The following TAF5 variants were observed in gnomAD, a reference collection of about 807,000 sequenced individuals.
TAF5 encodes the protein transcription initiation factor TFIID subunit 5.
A neutral mutation model predicts 80.9 loss-of-function variants in TAF5; 20 were observed. The ratio of observed to expected loss-of-function variants is 0.25; its 90% CI spans 0.17 to 0.36. The LOEUF is 0.36. Ranked by LOEUF, TAF5 falls within the 10% of genes least tolerant of loss-of-function variation. TAF5 has a pLI of 1.00. For synonymous variants in TAF5, 388 were observed against 406.4 expected (o/e 0.95, Z 0.55); for missense variants, 863 against 1,029.4 (o/e 0.84, Z 2.21).
chr10:103,371,741 T>C (rs949261725), intron 1 of TAF5, among the ~76,000 whole-genome samples: 1 of 152,186 alleles, frequency 6.6e-6, no homozygotes, highest in Non-Finnish European at 1.5e-5. Flanking sequence ...GGATAGGATA[T>C]GTTACAAGAA....
chr10:103,383,032 A>AC (rs1184381772), intron 6 of TAF5, among the ~76,000 whole-genome samples: 1 of 152,094 alleles, frequency 6.6e-6, no homozygotes, highest in Non-Finnish European at 1.5e-5. Context: ...AGCTGTGTGC[A>AC]CTCTAGCAAA....
chr10:103,369,960 G>A (rs905848605), intron 1 of TAF5, among the ~76,000 whole-genome samples: 5 of 151,972 alleles, frequency 3.3e-5, no homozygotes, highest in African/African-American at 1.2e-4. Flanking sequence ...GCCGGGCGTC[G>A]TGGCTCATGC....
At chr10:103,376,052 A>G (rs1374180395) in intron 2 of TAF5, among the ~76,000 whole-genome samples, 1 of 137,210 alleles carries the variant, frequency 7.3e-6, no homozygotes, top group African/African-American at 2.5e-5. Flanking sequence ...GTGAAAGTCT[A>G]TCTCAAAAAA....
At chr10:103,376,083 A>T (rs1305341709) in intron 2 of TAF5, among the ~76,000 whole-genome samples, 5 of 149,152 alleles carry the variant, frequency 3.4e-5, no homozygotes, top group African/African-American at 1.2e-4. Flanking sequence ...GGCCGTGCTT[A>T]GCAGTGTGAA....
In TAF5 at chr10:103,379,917, G is replaced by A. The variant is rs145946984; in HGVS notation, c.1311G>A (p.Lys437=). 11 of 1,613,570 alleles carry A rather than the reference G, an allele frequency of 6.8e-6. No individual in the cohort carries two copies. Among genetic ancestry groups the A allele is most frequent in the Non-Finnish European group, 9.3e-6 (11 of 1,179,932 alleles). The change falls in exon 5 of 11, where the codon AAG becomes AAA. Residue 437 remains lysine (K), a synonymous_variant. Coordinates refer to ENST00000369839, the MANE Select transcript of TAF5 (RefSeq NM_006951.5). ...TTCCTGAGTTGAAAGATTCAGATAA[G>A]TTGGATAAGATAATGAATATGAAAG... ...IPLPELKDSD[K]LDKIMNMKET...
chr10:103,368,439 G>A lies in TAF5; in HGVS notation c.450G>A (p.Arg150=), dbSNP rs757251897. The A allele has an allele frequency of 1.3e-5, 20 of 1,580,726 alleles. No homozygotes were observed. Among genetic ancestry groups the A allele is most frequent in the Non-Finnish European group, 1.7e-5 (20 of 1,173,000 alleles). The part of the protein sequence containing the change: ...GAEVTSALLS[R]VTASAPGPAA... ...AGGTGACCAGCGCGCTTCTCAGCCGGGTGACCGCCTCGGCCCCTGGCCCTG... is the reference window on the plus strand; with the variant it reads ...AGGTGACCAGCGCGCTTCTCAGCCGAGTGACCGCCTCGGCCCCTGGCCCTG... The change falls in exon 1 of 11, where the codon CGG becomes CGA. Residue 150 remains arginine, a synonymous_variant. Coordinates refer to ENST00000369839, the MANE Select transcript of TAF5 (RefSeq NM_006951.5).
intron 5 of TAF5, among the ~76,000 whole-genome samples, chr10:103,381,106 G>A (rs1191591039): frequency 1.3e-5 from 2 of 150,750 alleles, no homozygotes; most frequent in African/African-American, 2.4e-5. Flanking sequence ...GAGCCACCAC[G>A]CCCAGCTAAT....
chr10:103,380,168 C>T (rs1377856665), intron 5 of TAF5, 149 bp downstream of exon 5: 14 of 980,682 alleles, frequency 1.4e-5, no homozygotes, highest in Middle Eastern at 2.7e-4. Flanking sequence ...CTCGCTCTGT[C>T]GCCCAGCTGG....
chr10:103,371,355 GAAACTTGACCTAATTATAGATCAT>G (rs551059667), intron 1 of TAF5, among the ~76,000 whole-genome samples: 198 of 152,174 alleles, frequency 1.3e-3, no homozygotes, highest in African/African-American at 4.5e-3. Flanking sequence ...GATCTCTTCA[GAAACTTGACCTAATTATAGATCAT>G]AACTGAGAAA....
At position 103,385,324 on chromosome 10, in the gene TAF5, A is replaced by G; in HGVS notation, c.1665-2A>G. On this transcript the variant is annotated splice_acceptor_variant, in intron 7 of 10. Transcript: ENST00000369839. LOFTEE classifies it high-confidence loss of function. ...CAAATATATCACCTTCTCTTCTCTCAGGAACTATCTGCTTTCCTCTTCAGA... is the reference window on the plus strand; with the variant it reads ...CAAATATATCACCTTCTCTTCTCTCGGGAACTATCTGCTTTCCTCTTCAGA... 1 of 1,604,044 alleles carries G rather than the reference A, an allele frequency of 6.2e-7. No individual in the cohort carries two copies. The highest frequency in any genetic ancestry group is 8.5e-7 in the Non-Finnish European group (1 of 1,171,952).
In TAF5 at chr10:103,378,214, T is replaced by A; in HGVS notation, c.798-21T>A. The A allele has an allele frequency of 6.3e-7, 1 of 1,598,686 alleles. No homozygotes were observed. Among genetic ancestry groups the A allele is most frequent in the East Asian group, 2.2e-5 (1 of 44,736 alleles). On this transcript the variant is annotated intron_variant, in intron 2 of 10. Transcript: ENST00000369839. This position sits in a 1 kb window ranked among gnomAD's most constrained non-coding sequence, Gnocchi z 4.1. ...CTTAATGATTACATTGAAAAATGAC[T>A]TTTTAAAATCACTGAAACAGGTTCC...
Position 103,387,703 on chromosome 10 carries a change from A to G in TAF5, c.2185+5A>G, listed in dbSNP as rs868149506. 1 of 1,608,826 alleles carries G rather than the reference A, an allele frequency of 6.2e-7. No individual in the cohort carries two copies. The highest frequency in any genetic ancestry group is 1.3e-5 in the African/African-American group (1 of 74,872). ...ATGGTGAAATTTTGGCATCAGGTAA[A>G]TGACTATTAATGGCTTTACGATAAA... On this transcript the variant is annotated splice_donor_5th_base_variant and intron_variant, in intron 10 of 10. Transcript: ENST00000369839.
At chr10:103,376,395 T>C (rs2093370099) in intron 2 of TAF5, among the ~76,000 whole-genome samples, 1 of 152,040 alleles carries the variant, frequency 6.6e-6, no homozygotes, top group African/African-American at 2.4e-5. Flanking sequence ...CTGGCCTGAA[T>C]GAGAAATGTT....
At position 103,385,346 on chromosome 10, in the gene TAF5, C is replaced by T. The variant is rs2093393405; in HGVS notation, c.1685C>T (p.Ser562Leu). 1 of 1,611,242 alleles carries T rather than the reference C, an allele frequency of 6.2e-7. No individual in the cohort carries two copies. Residue 562 changes from serine to leucine, a missense_variant, in exon 8 of 11, where the codon TCA (serine) becomes TTA (leucine). Coordinates refer to ENST00000369839, the MANE Select transcript of TAF5 (RefSeq NM_006951.5). Reference sequence around the variant, plus strand: ...CTCAGGAACTATCTGCTTTCCTCTTCAGAGGACGGAACTGTTAGATTGTGG... The same window carrying T: ...CTCAGGAACTATCTGCTTTCCTCTTTAGAGGACGGAACTGTTAGATTGTGG... ...SPDRNYLLSS[S>L]EDGTVRLWSL... is the part of the protein sequence containing the mutation.
rs2093350070 is a variant in TAF5, at chr10:103,368,280, A to C, written c.291A>C (p.Leu97=). The C allele has an allele frequency of 3.2e-6, 5 of 1,577,510 alleles. No individual in the cohort carries two copies. The East Asian group carries it at 9.2e-5, about 29-fold the overall frequency. ...DAGAPHDRQT[L]LAVLQFLRQS... is the part of the protein sequence containing the mutation. Reference sequence around the variant, plus strand: ...GCGCTCCGCATGACCGACAGACTCTACTGGCCGTGCTGCAGTTCCTACGGC... The same window carrying C: ...GCGCTCCGCATGACCGACAGACTCTCCTGGCCGTGCTGCAGTTCCTACGGC... Residue 97 remains leucine (L), a synonymous_variant, in exon 1 of 11, where the codon CTA becomes CTC. Coordinates refer to ENST00000369839, the MANE Select transcript of TAF5 (RefSeq NM_006951.5).
At chr10:103,371,979 C>G (rs1214653759) in intron 1 of TAF5, among the ~76,000 whole-genome samples, 1 of 151,628 alleles carries the variant, frequency 6.6e-6, no homozygotes, top group African/African-American at 2.4e-5. Flanking sequence ...GCTCTGTCAC[C>G]AGGCTGGAGT....
At chr10:103,386,652 C>G (rs1472832755) in intron 8 of TAF5, among the ~76,000 whole-genome samples, 2 of 148,344 alleles carry the variant, frequency 1.3e-5, no homozygotes, top group African/African-American at 2.5e-5. Context: ...GGCAACAGAG[C>G]AAGACCTCAG....
At chr10:103,381,939 T>G in intron 6 of TAF5, 98 bp downstream of exon 6, 1 of 1,500,508 alleles carries the variant, frequency 6.7e-7, no homozygotes, top group Non-Finnish European at 9.1e-7. Flanking sequence ...TTTACAGAAA[T>G]TCACTTGATT....
In TAF5 at chr10:103,387,328, T is replaced by C; in HGVS notation, c.1983T>C (p.Cys661=). ...VRLWDVLNGN[C]VRIFTGHKGP... is the part of the protein sequence containing the mutation. ...TCTGGGACGTCCTGAATGGTAACTG[T>C]GTAAGGATCTTCACTGGACACAAGG... The change falls in exon 9 of 11, where the codon TGT becomes TGC. Residue 661 remains cysteine (C), a synonymous_variant. Transcript: ENST00000369839. The C allele has an allele frequency of 6.2e-7, 1 of 1,613,876 alleles. No individual in the cohort carries two copies.
Sources: gnomAD v4.1 joint callset for allele counts (sites outside exome capture counted in the v4.1 genomes callset) on GRCh38, gnomAD v4.1.1 for gene constraint, Gnocchi (gnomAD v3.1) non-coding constraint, MANE v1.5 for transcripts, NCBI Gene and HGNC (gene_info 2026-07-23, HGNC 2026-07-21) for gene names.